APPBP2: variants seen among roughly 807,000 people sequenced by gnomAD.
The protein encoded by APPBP2 is amyloid beta precursor protein binding protein 2, also known as amyloid protein-binding protein 2.
In APPBP2, 15 loss-of-function variants were observed where a neutral mutation model predicts 76.0. The ratio of observed to expected loss-of-function variants is 0.20; its 90% CI spans 0.13 to 0.30. The LOEUF is 0.30. APPBP2 is among the 10% of genes least tolerant of loss of function. The pLI, the probability that APPBP2 is intolerant of heterozygous loss-of-function variation, is 1.00. For missense variants in APPBP2, 401 were observed against 687.2 expected (o/e 0.58, Z 4.66); for synonymous variants, 222 against 242.2 (o/e 0.92, Z 0.77).
intron 1 of APPBP2, among the ~76,000 whole-genome samples, chr17:60,522,107 A>T (rs912178692): frequency 5.9e-5 from 9 of 152,192 alleles, no homozygotes; most frequent in African/African-American, 2.2e-4. Flanking sequence ...TATCCCCGTC[A>T]TTAAGCAACA....
At chr17:60,483,402 C>CT (rs890255527) in intron 3 of APPBP2, among the ~76,000 whole-genome samples, 369 of 151,324 alleles carry the variant, frequency 2.4e-3, no homozygotes, top group African/African-American at 8.3e-3. Context: ...ATGACAGTTT[C>CT]TTTTTTTTTG....
intron 9 of APPBP2, 25 bp from the exon 10 acceptor site, chr17:60,456,406 G>A (rs371699784): frequency 2.7e-5 from 39 of 1,420,722 alleles, no homozygotes; most frequent in Admixed American, 8.7e-5. Flanking sequence ...GATACAGTCT[G>A]GCATTTCTTT....
chr17:60,516,173 A>AC (rs201015907), intron 1 of APPBP2, among the ~76,000 whole-genome samples: 138 of 151,768 alleles, frequency 9.1e-4, no homozygotes, highest in African/African-American at 3.2e-3. Flanking sequence ...AAAAAACAAA[A>AC]ACAAAAAAAA....
intron 1 of APPBP2, among the ~76,000 whole-genome samples, chr17:60,507,245 A>G (rs1173045499): frequency 6.7e-6 from 1 of 150,020 alleles, no homozygotes; most frequent in East Asian, 1.9e-4. Context: ...TTTTTGAGAC[A>G]GAGTCTCATT....
chr17:60,486,405 GGATA>G (rs2090677937), intron 3 of APPBP2, among the ~76,000 whole-genome samples: 2 of 152,146 alleles, frequency 1.3e-5, no homozygotes, highest in Non-Finnish European at 1.5e-5. Context: ...TATATATTTA[GGATA>G]GTTAGCTCTT....
At chr17:60,500,047 T>C (rs994412562) in intron 2 of APPBP2, among the ~76,000 whole-genome samples, 2 of 151,412 alleles carry the variant, frequency 1.3e-5, no homozygotes, top group Non-Finnish European at 1.5e-5. Context: ...AGTCTTGCTC[T>C]GTCACCCAGG....
intron 3 of APPBP2, among the ~76,000 whole-genome samples, chr17:60,487,703 G>C (rs1384881902): frequency 6.6e-6 from 1 of 152,178 alleles, no homozygotes; most frequent in African/African-American, 2.4e-5. Context: ...CTGTCAACTT[G>C]TCAAAGTCAT....
chr17:60,492,197 C>T (rs753771306), intron 3 of APPBP2, among the ~76,000 whole-genome samples: 10 of 152,210 alleles, frequency 6.6e-5, no homozygotes, highest in Non-Finnish European at 1.5e-4. Context: ...TTGGGAACCT[C>T]TGCCTAGACT....
chr17:60,465,178 C>T (rs1249018870), intron 5 of APPBP2: 1 of 152,142 alleles, frequency 6.6e-6, no homozygotes, highest in Non-Finnish European at 1.5e-5. Context: ...TGTGCCCAGG[C>T]TGGTAATGTT....
At chr17:60,487,255 G>A (rs950515228) in intron 3 of APPBP2, among the ~76,000 whole-genome samples, 2 of 152,086 alleles carry the variant, frequency 1.3e-5, no homozygotes, top group Admixed American at 1.3e-4. Flanking sequence ...TTGCTAGGTT[G>A]GGGAAGTTCT....
intron 2 of APPBP2, among the ~76,000 whole-genome samples, chr17:60,497,368 G>A (rs902322735): frequency 2.6e-5 from 4 of 151,934 alleles, no homozygotes; most frequent in Admixed American, 2.6e-4. Flanking sequence ...CTGGGAGAGG[G>A]GGGCAAATGA....
intron 1 of APPBP2, among the ~76,000 whole-genome samples, chr17:60,515,112 A>ATTTT (rs746696162): frequency 4.7e-5 from 5 of 106,224 alleles, no homozygotes; most frequent in Admixed American, 9.7e-5. Context: ...CCTATTTTAA[A>ATTTT]TTTTTTTTTT....
chr17:60,460,834 CTAGT>C, intron 8 of APPBP2, 47 bp from the exon 9 acceptor site: 2 of 1,573,510 alleles, frequency 1.3e-6, no homozygotes, highest in Admixed American at 1.9e-5. Context: ...AAAATACCAC[CTAGT>C]TAAATTAAAC....
At chr17:60,510,080 GATTC>G (rs1283880298) in intron 1 of APPBP2, among the ~76,000 whole-genome samples, 1 of 150,804 alleles carries the variant, frequency 6.6e-6, no homozygotes. Flanking sequence ...TCACTTACAT[GATTC>G]ATTTATTATT....
Position 60,525,830 on chromosome 17 carries a change from G to A in APPBP2, c.102C>T (p.Ser34=), listed in dbSNP as rs756946599. 3 of 1,614,104 alleles carry A rather than the reference G, an allele frequency of 1.9e-6. No homozygotes were observed. Among genetic ancestry groups the A allele is most frequent in the South Asian group, 2.2e-5 (2 of 91,072 alleles). The change falls in exon 1 of 13, where the codon TCC becomes TCT. Residue 34 remains serine, a synonymous_variant. Transcript: ENST00000083182. ...NYIRSRRDIR[S]LPENIQFDVY... Reference sequence around the variant, plus strand: ...CATCAAACTGGATGTTCTCGGGCAAGGAGCGGATGTCTCGGCGGGAGCGGA... The same window carrying A: ...CATCAAACTGGATGTTCTCGGGCAAAGAGCGGATGTCTCGGCGGGAGCGGA...
At chr17:60,518,704 A>G (rs538538836) in intron 1 of APPBP2, among the ~76,000 whole-genome samples, 2 of 152,138 alleles carry the variant, frequency 1.3e-5, no homozygotes, top group East Asian at 1.9e-4. Flanking sequence ...GGGTCTCCCT[A>G]TGTTGCCCAG....
chr17:60,468,721 C>T (rs1258634965), intron 4 of APPBP2, among the ~76,000 whole-genome samples: 3 of 152,288 alleles, frequency 2.0e-5, no homozygotes, highest in Admixed American at 2.0e-4. Flanking sequence ...TGTGGTCCAA[C>T]TTATTATGGT....
At chr17:60,467,581 A>T (rs1180335052) in intron 4 of APPBP2, among the ~76,000 whole-genome samples, 1 of 152,176 alleles carries the variant, frequency 6.6e-6, no homozygotes, top group East Asian at 1.9e-4. Context: ...TAGTGGTGAG[A>T]AGGGTATTAG....
chr17:60,456,826 A>G (rs1406636244), intron 9 of APPBP2, among the ~76,000 whole-genome samples: 2 of 152,120 alleles, frequency 1.3e-5, no homozygotes, highest in African/African-American at 2.4e-5. Flanking sequence ...AACAGACCAC[A>G]TAAAAGGCCC....
Sources: gnomAD v4.1 joint callset for allele counts (sites outside exome capture counted in the v4.1 genomes callset) on GRCh38, gnomAD v4.1.1 for gene constraint, MANE v1.5 for transcripts, NCBI Gene and HGNC (gene_info 2026-07-23, HGNC 2026-07-21) for gene names.